Variants in C2CD3 observed in about 807,000 individuals in gnomAD.
C2CD3 encodes the protein C2 domain-containing protein 3.
A neutral mutation model predicts 234.0 loss-of-function variants in C2CD3; 148 were observed. That is an observed-to-expected ratio of 0.63 (90% CI 0.55 to 0.72). The LOEUF is 0.72. C2CD3 is among the 30% of genes least tolerant of loss of function. The probability of loss-of-function intolerance (pLI) is 0.00; values close to 1 mark genes in which losing one functional copy is unlikely to be tolerated. For synonymous variants in C2CD3, 1,000 were observed against 1,035.4 expected, an observed-to-expected ratio of 0.97 and a Z score of 0.66; for missense variants, 2,577 against 2,811.5, an observed-to-expected ratio of 0.92 and a Z score of 1.89.
At chr11:74,018,900 T>C (rs1951975068) in intron 32 of C2CD3, among the ~76,000 whole-genome samples, 1 of 151,938 alleles carries the variant, frequency 6.6e-6, no homozygotes, top group South Asian at 2.1e-4. Flanking sequence ...ACCGATATGC[T>C]CCCTCCGTGC....
At chr11:74,147,901 A>C (rs774116426) in intron 3 of C2CD3, among the ~76,000 whole-genome samples, 1 of 152,176 alleles carries the variant, frequency 6.6e-6, no homozygotes, top group South Asian at 2.1e-4. Context: ...TTTTGGTTTC[A>C]AGCTTTATGA....
At chr11:74,040,575 T>C (rs1439670990) in intron 29 of C2CD3, among the ~76,000 whole-genome samples, 1 of 151,568 alleles carries the variant, frequency 6.6e-6, no homozygotes, top group Non-Finnish European at 1.5e-5. Flanking sequence ...GCCAACATAG[T>C]GAAACCCTGT....
At chr11:74,029,462 CT>C (rs2135409318) in intron 31 of C2CD3, among the ~76,000 whole-genome samples, 1 of 152,322 alleles carries the variant, frequency 6.6e-6, no homozygotes, top group African/African-American at 2.4e-5. Context: ...TGATTTCTTG[CT>C]TTGGTTCAAG....
chr11:74,048,405 A>G, intron 27 of C2CD3, 67 bp from the exon 28 acceptor site: 1 of 1,532,076 alleles, frequency 6.5e-7, no homozygotes, highest in Non-Finnish European at 8.9e-7. Flanking sequence ...AGCAGTATAT[A>G]AATAAGTTTG....
At chr11:74,059,567 G>C (rs1380481684) in intron 24 of C2CD3, among the ~76,000 whole-genome samples, 3 of 151,970 alleles carry the variant, frequency 2.0e-5, no homozygotes, top group Admixed American at 1.3e-4. Context: ...TGTCCCTCTG[G>C]ACAGAAAGCA....
In C2CD3 at chr11:74,123,093, A is replaced by C. The variant is rs1385810139; in HGVS notation, c.1260T>G (p.Ser420=). ...SQGNFWDGLG[S]PPDSPSPGSD... ...TCCCAGGAGATGGGGAATCTGGAGG[A>C]GAGCCTAGCCCATCCCAGAAATTGC... The change falls in exon 8 of 33, where the codon TCT becomes TCG. Residue 420 remains serine (S), a synonymous_variant. Transcript: ENST00000334126. 6.2e-7 allele frequency: 1 copy of C among 1,612,868 alleles called. No homozygotes were observed. Among genetic ancestry groups the C allele is most frequent in the African/African-American group, 1.3e-5 (1 of 74,924 alleles).
chr11:74,055,726 GC>G (rs1194826715), intron 25 of C2CD3, among the ~76,000 whole-genome samples: 1 of 152,170 alleles, frequency 6.6e-6, no homozygotes, highest in Non-Finnish European at 1.5e-5. Context: ...CCTGCAAGTT[GC>G]TATGAAGATC....
chr11:74,100,740 C>T (rs1565294141), intron 14 of C2CD3, 64 bp from the exon 15 acceptor site: 1 of 1,371,808 alleles, frequency 7.3e-7, no homozygotes, highest in Non-Finnish European at 1.0e-6. Context: ...TTAATTTATA[C>T]TTTCATTCAA....
chr11:74,150,516 C>CAAAAAAAAAAAA (rs1162306851), intron 3 of C2CD3, among the ~76,000 whole-genome samples: 1 of 65,990 alleles, frequency 1.5e-5, no homozygotes, highest in Non-Finnish European at 2.5e-5. Context: ...AAAAAAAAAA[C>CAAAAAAAAAAAA]AAAAAAAAAA....
intron 22 of C2CD3, among the ~76,000 whole-genome samples, chr11:74,084,062 G>C (rs1472271431): frequency 6.6e-6 from 1 of 152,142 alleles, no homozygotes; most frequent in Admixed American, 6.5e-5. Context: ...ATCAATGACA[G>C]ACTGGATTAA....
intron 11 of C2CD3, chr11:74,109,440 C>A (rs1956660925): frequency 7.1e-6 from 2 of 280,190 alleles, no homozygotes; most frequent in East Asian, 1.3e-4. Context: ...GGAGACATAT[C>A]TATATACTTC....
At chr11:74,105,760 C>T (rs562311702) in intron 13 of C2CD3, among the ~76,000 whole-genome samples, 1 of 152,284 alleles carries the variant, frequency 6.6e-6, no homozygotes, top group African/African-American at 2.4e-5. Context: ...TAGTCTAAGC[C>T]ACCATCAATC....
chr11:74,150,148 C>T (rs1344142255), intron 3 of C2CD3, among the ~76,000 whole-genome samples: 1 of 143,562 alleles, frequency 7.0e-6, no homozygotes, highest in Non-Finnish European at 1.6e-5. Flanking sequence ...TGGACACTTT[C>T]CTTTTGTAAA....
Position 74,092,514 on chromosome 11 carries a change from A to G in C2CD3, c.3419T>C (p.Val1140Ala). ...CACATCCTCACGATGCTGGGTGGTTACCATAGCACAGATCCTTGATAATGG... is the reference window on the plus strand; with the variant it reads ...CACATCCTCACGATGCTGGGTGGTTGCCATAGCACAGATCCTTGATAATGG... ...TLPLSRICAM[V>A]TTQHREDVGI... is the part of the protein sequence containing the mutation. Residue 1140 changes from valine to alanine, a missense_variant, in exon 19 of 33, where the codon GTA becomes GCA. By Grantham distance (64) the Val-to-Ala change is moderately conservative. Transcript: ENST00000334126. The G allele has an allele frequency of 1.2e-6, 2 of 1,613,706 alleles. No individual in the cohort carries two copies. The highest frequency in any genetic ancestry group is 1.7e-6 in the Non-Finnish European group (2 of 1,179,624).
At position 74,033,835 on chromosome 11, in the gene C2CD3, C is replaced by T. The variant is rs190243040; in HGVS notation, c.6325G>A (p.Gly2109Ser). The T allele has an allele frequency of 1.3e-6, 2 of 1,536,148 alleles. No homozygotes were observed. The highest frequency in any genetic ancestry group is 2.7e-5 in the African/African-American group (2 of 73,168). Residue 2109 changes from glycine to serine, a missense_variant, in exon 31 of 33, where the codon GGC becomes AGC. Transcript: ENST00000334126. ...SPQPDEVQRE[G>S]PSCPSPGPFC... The stretch of plus-strand genomic sequence containing the variant: ...GGCCCTGGAGAAGGACAAGAGGGGC[C>T]TTCCCTCTGCACCTCGTCAGGCTGA...
At chr11:74,155,865 G>A (rs1039674816) in intron 3 of C2CD3, among the ~76,000 whole-genome samples, 2 of 152,158 alleles carry the variant, frequency 1.3e-5, no homozygotes, top group Non-Finnish European at 2.9e-5. Flanking sequence ...AATTGGCTGG[G>A]TGTGGTGGCT....
intron 7 of C2CD3, 81 bp downstream of exon 7, chr11:74,132,763 A>C: frequency 1.5e-6 from 2 of 1,364,098 alleles, no homozygotes; most frequent in Non-Finnish European, 2.1e-6. Context: ...ATGTTACTTT[A>C]GGAAGATGAA....
Position 74,092,417 on chromosome 11 carries a change from T to C in C2CD3, c.3516A>G (p.Ser1172=). The C allele has an allele frequency of 6.2e-7, 1 of 1,612,864 alleles. No homozygotes were observed. Among genetic ancestry groups the C allele is most frequent in the Non-Finnish European group, 8.5e-7 (1 of 1,179,162 alleles). The change falls in exon 19 of 33, where the codon TCA becomes TCG. Residue 1172 remains serine, a splice_region_variant and synonymous_variant. Transcript: ENST00000334126. ...ENRKELRNQS[S]GLLDVGLRYR... ...AAAGACAAACTTGTTTTCAATTACC[T>C]GATGACTGGTTCCTCAATTCTTTCC... is the stretch of plus-strand genomic sequence containing the variant.
At chr11:74,125,926 C>T (rs1344597467) in intron 7 of C2CD3, among the ~76,000 whole-genome samples, 2 of 152,134 alleles carry the variant, frequency 1.3e-5, no homozygotes, top group Non-Finnish European at 2.9e-5. Flanking sequence ...ACTGTTTGCT[C>T]TCTCTCTATG....
Sources: gnomAD v4.1 joint callset for allele counts (sites outside exome capture counted in the v4.1 genomes callset) on GRCh38, gnomAD v4.1.1 for gene constraint, MANE v1.5 for transcripts, NCBI Gene and HGNC (gene_info 2026-07-23, HGNC 2026-07-21) for gene names.